Variants in ZFHX4 observed in about 807,000 individuals in gnomAD.
ZFHX4 encodes the protein zinc finger homeobox protein 4.
A neutral mutation model predicts 267.6 loss-of-function variants in ZFHX4; 56 were observed. The observed-to-expected ratio is 0.21, with a 90% CI of 0.17 to 0.26. The LOEUF is 0.26. Ranked by LOEUF, ZFHX4 falls within the 10% of genes least tolerant of loss-of-function variation. ZFHX4 has a pLI of 1.00. For missense variants in ZFHX4, 4,332 were observed against 4,420.0 expected (o/e 0.98, Z 0.56); for synonymous variants, 1,778 against 1,665.6 (o/e 1.07, Z -1.64).
chr8:76,684,750 A>G (rs1167745867), intron 1 of ZFHX4, among the ~76,000 whole-genome samples: 1 of 152,220 alleles, frequency 6.6e-6, no homozygotes, highest in Non-Finnish European at 1.5e-5. Flanking sequence ...TGCTTTTGTA[A>G]TCTTTTGCAG....
chr8:76,756,421 A>G (rs368050593), intron 3 of ZFHX4, among the ~76,000 whole-genome samples: 1 of 152,178 alleles, frequency 6.6e-6, no homozygotes, highest in African/African-American at 2.4e-5. Flanking sequence ...TAGAGCAAGA[A>G]ACAGAGAGAC....
chr8:76,862,089 C>T (rs1812883135), intron 10 of ZFHX4, among the ~76,000 whole-genome samples: 1 of 152,194 alleles, frequency 6.6e-6, no homozygotes, highest in Non-Finnish European at 1.5e-5. Flanking sequence ...CAGGCTTTTA[C>T]AAGTCCCTTT....
chr8:76,756,774 A>G (rs1047743249), intron 3 of ZFHX4, among the ~76,000 whole-genome samples: 4 of 152,140 alleles, frequency 2.6e-5, no homozygotes, highest in Non-Finnish European at 5.9e-5. Flanking sequence ...GCTAAACTAT[A>G]GCAACTATAA....
At chr8:76,772,640 G>A (rs1302965095) in intron 3 of ZFHX4, among the ~76,000 whole-genome samples, 1 of 152,122 alleles carries the variant, frequency 6.6e-6, no homozygotes, top group Non-Finnish European at 1.5e-5. Context: ...CATGGCCAGA[G>A]TGGTGTTTCT....
At chr8:76,842,330 G>C (rs7831952) in intron 5 of ZFHX4, among the ~76,000 whole-genome samples, 11 of 151,972 alleles carry the variant, frequency 7.2e-5, no homozygotes, top group Non-Finnish European at 1.3e-4. Context: ...TTGTTACAAG[G>C]TTCTACTATT....
chr8:76,741,938 T>C (rs1274777604), intron 3 of ZFHX4, among the ~76,000 whole-genome samples: 1 of 152,210 alleles, frequency 6.6e-6, no homozygotes, highest in African/African-American at 2.4e-5. Flanking sequence ...TTTGGTCATA[T>C]TTTCCAGCTT....
At chr8:76,834,180 A>G (rs778065602) in intron 5 of ZFHX4, 1 of 443,798 alleles carries the variant, frequency 2.3e-6, no homozygotes, top group South Asian at 1.6e-5. Context: ...AATTACGAAT[A>G]AAACTACTAT....
chr8:76,782,729 G>A (rs748743201), intron 4 of ZFHX4, among the ~76,000 whole-genome samples: 2 of 151,968 alleles, frequency 1.3e-5, no homozygotes, highest in Non-Finnish European at 2.9e-5. Flanking sequence ...TTATCCGAAA[G>A]ACCATCTGTT....
In ZFHX4 at chr8:76,820,288, G is replaced by A. The variant is rs544528751; in HGVS notation, c.3326-13050G>A. 3.3e-5 allele frequency among the ~76,000 whole-genome samples: 5 copies of A among 151,884 alleles called. No individual in the cohort carries two copies. In the East Asian group the frequency reaches 7.8e-4, roughly 24 times the overall value. On this transcript the variant is annotated intron_variant, in intron 4 of 10. Coordinates refer to ENST00000651372, the MANE Select transcript of ZFHX4 (RefSeq NM_024721.5). ...TTTTTTTCAGATTACCGTATATTTT[G>A]CACATTTTTTTACTTTTGAATTCTG... is the stretch of plus-strand genomic sequence containing the variant.
At chr8:76,742,510 C>T (rs1169361242) in intron 3 of ZFHX4, among the ~76,000 whole-genome samples, 1 of 152,084 alleles carries the variant, frequency 6.6e-6, no homozygotes, top group Non-Finnish European at 1.5e-5. Flanking sequence ...TAATACTACT[C>T]TTCAACGTTA....
chr8:76,767,367 AG>A (rs1810078823), intron 3 of ZFHX4, among the ~76,000 whole-genome samples: 2 of 152,060 alleles, frequency 1.3e-5, no homozygotes, highest in Non-Finnish European at 1.5e-5. Context: ...TATTTAGGTG[AG>A]CTCTTTTGTT....
At chr8:76,775,628 A>G (rs1175818683) in intron 3 of ZFHX4, among the ~76,000 whole-genome samples, 1 of 152,150 alleles carries the variant, frequency 6.6e-6, no homozygotes, top group East Asian at 1.9e-4. Flanking sequence ...CAAAGAATCT[A>G]TTTAGCCCAA....
intron 4 of ZFHX4, among the ~76,000 whole-genome samples, chr8:76,824,823 G>C (rs1216612623): frequency 6.6e-6 from 1 of 151,964 alleles, no homozygotes; most frequent in Non-Finnish European, 1.5e-5. Context: ...CTCCTGCTTC[G>C]GCCTCCCAAA....
chr8:76,840,638 C>T (rs1217800550), intron 5 of ZFHX4, among the ~76,000 whole-genome samples: 1 of 152,104 alleles, frequency 6.6e-6, no homozygotes, highest in South Asian at 2.1e-4. Flanking sequence ...TTATGTACCC[C>T]CAAGATAAGG....
At chr8:76,706,737 G>C (rs113604898) in intron 2 of ZFHX4, 59 bp downstream of exon 2, 9 of 1,455,818 alleles carry the variant, frequency 6.2e-6, no homozygotes, top group Non-Finnish European at 8.2e-6. Flanking sequence ...TTGATTTGGC[G>C]TGATGCACCC....
chr8:76,786,543 G>C (rs1810697332), intron 4 of ZFHX4, among the ~76,000 whole-genome samples: 1 of 151,880 alleles, frequency 6.6e-6, no homozygotes, highest in South Asian at 2.1e-4. Context: ...TCAAATTTCA[G>C]AAGTGTTGAT....
At chr8:76,748,772 T>G (rs764217263) in intron 3 of ZFHX4, among the ~76,000 whole-genome samples, 20 of 152,210 alleles carry the variant, frequency 1.3e-4, no homozygotes, top group Non-Finnish European at 2.2e-4. Context: ...CAAACTAGCC[T>G]TTCCACTTAC....
At chr8:76,860,663 G>A (rs1477258806) in intron 10 of ZFHX4, among the ~76,000 whole-genome samples, 3 of 152,056 alleles carry the variant, frequency 2.0e-5, no homozygotes, top group African/African-American at 7.2e-5. Flanking sequence ...AGTAGGCAAA[G>A]GAAGCTGGCT....
Position 76,854,064 on chromosome 8 carries a change from A to G in ZFHX4, c.7143A>G (p.Ala2381=). The change falls in exon 10 of 11, where the codon GCA becomes GCG. Residue 2381 remains alanine (A), a synonymous_variant. Transcript: ENST00000651372. ...DAAKNAAAPA[A]SSGSGTSTPL... ...CTAAAAACGCTGCTGCCCCTGCAGC[A>G]AGTTCTGGCTCTGGGACCAGCACCC... 1 of 1,613,950 alleles carries G rather than the reference A, an allele frequency of 6.2e-7. No homozygotes were observed. Among genetic ancestry groups the G allele is most frequent in the Non-Finnish European group, 8.5e-7 (1 of 1,179,870 alleles).
Sources: allele counts gnomAD v4.1 joint callset (sites outside exome capture counted in the v4.1 genomes callset), GRCh38; gene constraint gnomAD v4.1.1; transcripts MANE v1.5; gene names NCBI Gene and HGNC (gene_info 2026-07-23, HGNC 2026-07-21).